The following GRIK5 variants were observed in gnomAD, a reference collection of about 807,000 sequenced individuals.
The protein encoded by GRIK5 is glutamate ionotropic receptor kainate type subunit 5.
In GRIK5, 43 loss-of-function variants were observed where a neutral mutation model predicts 97.4. The observed-to-expected ratio is 0.44, with a 90% CI of 0.35 to 0.57. The LOEUF is 0.57. GRIK5 is among the 20% of genes least tolerant of loss of function. The pLI is 0.01. For missense variants in GRIK5, 1,015 were observed against 1,382.0 expected (o/e 0.73, Z 4.21); for synonymous variants, 580 against 583.5 (o/e 0.99, Z 0.09).
At chr19:42,034,631 T>G (rs1209612461) in intron 12 of GRIK5, among the ~76,000 whole-genome samples, 1 of 152,134 alleles carries the variant, frequency 6.6e-6, no homozygotes, top group Middle Eastern at 3.4e-3. Context: ...GATGCAGAAG[T>G]AAGGAAAATA....
In GRIK5 at chr19:42,003,757, C is replaced by T; in HGVS notation, c.2264-74G>A. 4.8e-6 allele frequency: 7 copies of T among 1,454,276 alleles called. No homozygotes were observed. The highest frequency in any genetic ancestry group is 5.5e-6 in the Non-Finnish European group (6 of 1,099,318). 90.1% of individuals were successfully genotyped at this position (1,454,276 alleles called of 1,614,324 possible). ...TGACCGCCCCAAACCCCAAACTGTGCCCTCACCACGGCCTTCCCCCGCCTC... is the reference window on the plus strand; with the variant it reads ...TGACCGCCCCAAACCCCAAACTGTGTCCTCACCACGGCCTTCCCCCGCCTC... On this transcript the variant is annotated intron_variant, in intron 17 of 19. Transcript: ENST00000593562. The surrounding 1 kb of genome is among the most constrained non-coding windows in gnomAD (Gnocchi z 4.2).
In GRIK5 at chr19:42,060,764, C is replaced by T. The variant is rs148005153; in HGVS notation, c.509-1237G>A. Among the ~76,000 whole-genome samples the T allele has an allele frequency of 3.6e-3, 550 of 152,066 alleles. 2 individuals carry two copies. The highest frequency in any genetic ancestry group is 4.9e-3 in the Non-Finnish European group (335 of 67,994). On this transcript the variant is annotated intron_variant, in intron 5 of 19. Coordinates refer to ENST00000593562, the MANE Select transcript of GRIK5 (RefSeq NM_002088.5). ...TCCTCTCACATCCTTACACAGCTCC[C>T]TCCTTCCCCTCCTCCAGGTCTCTAT...
At position 41,999,395 on chromosome 19, in the gene GRIK5, C is replaced by A. The variant is rs2075407123; in HGVS notation, c.2515-96G>T. The A allele has an allele frequency of 5.3e-6, 5 of 950,190 alleles. No individual in the cohort carries two copies. Among genetic ancestry groups the A allele is most frequent in the Non-Finnish European group, 7.5e-6 (5 of 668,946 alleles). The allele number at this position is 950,190 out of a possible 1,614,324, so 58.9% of individuals were successfully genotyped here. On this transcript the variant is annotated intron_variant, in intron 19 of 19. Transcript: ENST00000593562. This position sits in a 1 kb window ranked among gnomAD's most constrained non-coding sequence, Gnocchi z 5.0. ...CCCACTCCTCCTCCTCCTTTCCTCGCCCGGGTCTTTCTTCCTTCTGCCCTC... is the reference window on the plus strand; with the variant it reads ...CCCACTCCTCCTCCTCCTTTCCTCGACCGGGTCTTTCTTCCTTCTGCCCTC...
chr19:42,060,298 G>A (rs1228451908), intron 5 of GRIK5, among the ~76,000 whole-genome samples: 2 of 152,080 alleles, frequency 1.3e-5, no homozygotes, highest in Non-Finnish European at 2.9e-5. Context: ...CTCTGCTCTT[G>A]GTATTGGGGG....
At chr19:42,035,854 A>G (rs2075897925) in intron 12 of GRIK5, among the ~76,000 whole-genome samples, 1 of 152,224 alleles carries the variant, frequency 6.6e-6, no homozygotes, top group African/African-American at 2.4e-5. Context: ...ATCATTTAGT[A>G]TTACATATAT....
intron 17 of GRIK5, among the ~76,000 whole-genome samples, chr19:42,004,756 A>G (rs1355519112): frequency 2.6e-4 from 39 of 152,130 alleles, no homozygotes; most frequent in Admixed American, 2.6e-3. Context: ...AGCTGAGACT[A>G]CAGGTGCATA....
chr19:42,046,470 G>T lies in GRIK5; in HGVS notation c.1270-3715C>A, dbSNP rs531279928. ...AGACAATGAGATACTGCTAAGTCCA[G>T]TTCTAAGAATTTACCCTACAAATGG... On this transcript the variant is annotated intron_variant, in intron 11 of 19. Transcript: ENST00000593562. Among the ~76,000 whole-genome samples, 9 of 152,328 alleles carry T rather than the reference G, an allele frequency of 5.9e-5. No individual in the cohort carries two copies. In the East Asian group the frequency reaches 7.7e-4, roughly 13 times the overall value.
chr19:42,034,837 C>T, intron 12 of GRIK5, among the ~76,000 whole-genome samples: 1 of 144,044 alleles, frequency 6.9e-6, no homozygotes, highest in Non-Finnish European at 1.5e-5. Context: ...GTTTCCCCCA[C>T]TAGAACATCA....
intron 6 of GRIK5, among the ~76,000 whole-genome samples, chr19:42,057,695 A>T (rs924812282): frequency 6.6e-6 from 1 of 151,832 alleles, no homozygotes; most frequent in African/African-American, 2.4e-5. Flanking sequence ...TAAGCCCTAC[A>T]CTCTCCAAAA....
At chr19:42,048,462 T>C (rs1003664564) in intron 11 of GRIK5, among the ~76,000 whole-genome samples, 8 of 151,702 alleles carry the variant, frequency 5.3e-5, no homozygotes, top group Non-Finnish European at 1.0e-4. Context: ...CTACTAAAAA[T>C]ACAAAAAATT....
intron 11 of GRIK5, among the ~76,000 whole-genome samples, chr19:42,045,204 T>C (rs2076028692): frequency 6.6e-6 from 1 of 152,206 alleles, no homozygotes; most frequent in Non-Finnish European, 1.5e-5. Context: ...ATGGGGTCCA[T>C]TTCTCCCTGG....
At position 42,062,896 on chromosome 19, in the gene GRIK5, C is replaced by A; in HGVS notation, c.245-41G>T. 1 of 1,452,260 alleles carries A rather than the reference C, an allele frequency of 6.9e-7. No homozygotes were observed. The highest frequency in any genetic ancestry group is 1.1e-5 in the South Asian group (1 of 87,570). 90.0% of individuals were successfully genotyped at this position (1,452,260 alleles called of 1,614,324 possible). On this transcript the variant is annotated intron_variant, in intron 3 of 19. Coordinates refer to ENST00000593562, the MANE Select transcript of GRIK5 (RefSeq NM_002088.5). The surrounding 1 kb of genome is among the most constrained non-coding windows in gnomAD (Gnocchi z 5.3). ...AAGAGACCGCAGAGTCAGGGACCCC[C>A]TGCCTCCTCTCCTTCCCCATCCCTC...
Position 42,042,790 on chromosome 19 carries a change from G to C in GRIK5, c.1270-35C>G. ...CAGAAGAAAGCAGGGGTCAGAGGCT[G>C]GGTGTCTAGTGGCTGGGTTGCGGAT... On this transcript the variant is annotated intron_variant, in intron 11 of 19. Transcript: ENST00000593562. This position sits in a 1 kb window ranked among gnomAD's most constrained non-coding sequence, Gnocchi z 6.9. 1.3e-6 allele frequency: 2 copies of C among 1,563,584 alleles called. No individual in the cohort carries two copies. Among genetic ancestry groups the C allele is most frequent in the Non-Finnish European group, 1.8e-6 (2 of 1,141,560 alleles).
chr19:42,001,127 T>C (rs1555870813), intron 19 of GRIK5, among the ~76,000 whole-genome samples: 1 of 152,148 alleles, frequency 6.6e-6, no homozygotes, highest in Non-Finnish European at 1.5e-5. Flanking sequence ...ACCAGATAAG[T>C]AGGGACAGCC....
At chr19:42,016,976 C>T (rs1008563002) in intron 15 of GRIK5, among the ~76,000 whole-genome samples, 4 of 151,868 alleles carry the variant, frequency 2.6e-5, no homozygotes, top group African/African-American at 9.7e-5. Context: ...ACCAAAATCT[C>T]CAGAAATGCA....
rs1599738925 is a variant in GRIK5 at position 42,002,417 on chromosome 19, G to A, written c.2514+915C>T. On this transcript the variant is annotated intron_variant, in intron 19 of 19. Coordinates refer to ENST00000593562, the MANE Select transcript of GRIK5 (RefSeq NM_002088.5). The surrounding 1 kb of genome is among the most constrained non-coding windows in gnomAD (Gnocchi z 5.2). ...AGGAGGAAAGGACAGACTTGCCGGA[G>A]GGATGTCCTTGAGAAGGCAACCTGG... The A allele has an allele frequency of 2.5e-5, 18 of 717,572 alleles. No individual in the cohort carries two copies. The East Asian group carries it at 4.8e-4, about 19-fold the overall frequency. The allele number at this position is 717,572 out of a possible 1,614,324, so 44.5% of individuals were successfully genotyped here.
At chr19:42,054,198 G>A in intron 9 of GRIK5, 122 bp downstream of exon 9, 1 of 1,047,900 alleles carries the variant, frequency 9.5e-7, no homozygotes. Context: ...GAGTGGACAG[G>A]GGAGGCAGTG....
In GRIK5 at chr19:42,059,399, TG is replaced by T; in HGVS notation, c.636del (p.Thr213ProfsTer23). 1 of 1,613,916 alleles carries T rather than the reference TG, an allele frequency of 6.2e-7. No individual in the cohort carries two copies. Among genetic ancestry groups the T allele is most frequent in the Non-Finnish European group, 8.5e-7 (1 of 1,179,840 alleles). ...GAGGCGTTGGCGTCGATGATGATGG[TG>T]GACACCTTGTCATCACGGATCTCCT... ...LLKEIRDDKV[S>X]TIIIDANASI... On this transcript the variant is annotated frameshift_variant, in exon 6 of 20. Coordinates refer to ENST00000593562, the MANE Select transcript of GRIK5 (RefSeq NM_002088.5). LOFTEE classifies it high-confidence loss of function.
chr19:42,018,024 T>G (rs1448796171), intron 15 of GRIK5, among the ~76,000 whole-genome samples: 1 of 151,830 alleles, frequency 6.6e-6, no homozygotes, highest in African/African-American at 2.4e-5. Flanking sequence ...TTAGAAATAC[T>G]GACTCCCGGC....
Sources: gnomAD v4.1 joint callset for allele counts (sites outside exome capture counted in the v4.1 genomes callset) on GRCh38, gnomAD v4.1.1 for gene constraint, Gnocchi (gnomAD v3.1) non-coding constraint, MANE v1.5 for transcripts, NCBI Gene and HGNC (gene_info 2026-07-23, HGNC 2026-07-21) for gene names.